The following ZNF738 variants were observed in gnomAD, a reference collection of about 807,000 sequenced individuals.
ZNF738 encodes protein ZNF738.
Under a neutral mutation model 9.2 loss-of-function variants are expected in ZNF738, and 10 were observed. That is an observed-to-expected ratio of 1.09 (90% confidence interval 0.67 to 1.85). The LOEUF (loss-of-function observed/expected upper bound fraction) is 1.85. ZNF738 is among the 40% of genes most tolerant of loss of function. The probability of loss-of-function intolerance (pLI) is 0.00; values close to 1 mark genes in which losing one functional copy is unlikely to be tolerated. For missense variants in ZNF738, 346 were observed against 283.6 expected (o/e 1.22, Z -1.58); for synonymous variants, 113 against 94.5 (o/e 1.20, Z -1.14).
At position 21,387,262 on chromosome 19, in the gene ZNF738, C is replaced by T. The variant is rs183234831; in HGVS notation, c.*3588C>T. On this transcript the variant is annotated 3_prime_UTR_variant, in exon 5 of 5. Coordinates refer to ENST00000683779, the MANE Select transcript of ZNF738 (RefSeq NM_001355237.2). ...GGTGTGCAATGGCATGATGTCGGCT[C>T]ACTGCAAACTCCGCCTCCCAGGTTC... 1 of 152,158 alleles carries T rather than the reference C, an allele frequency of 6.6e-6. No individual in the cohort carries two copies. The highest frequency in any genetic ancestry group is 1.9e-4 in the East Asian group (1 of 5,142). 9.4% of individuals were successfully genotyped at this position (152,158 alleles called of 1,614,324 possible).
intron 2 of ZNF738, among the ~76,000 whole-genome samples, chr19:21,371,215 C>T (rs535220543): frequency 6.6e-6 from 1 of 152,318 alleles, no homozygotes; most frequent in Non-Finnish European, 1.5e-5. Context: ...TTCTGGGGCT[C>T]CACCAAGGCA....
intron 2 of ZNF738, among the ~76,000 whole-genome samples, chr19:21,365,096 AT>A (rs1258355656): frequency 6.6e-6 from 1 of 151,830 alleles, no homozygotes; most frequent in South Asian, 2.1e-4. Flanking sequence ...GGGGTGGATT[AT>A]TTATTCCCAT....
intron 2 of ZNF738, among the ~76,000 whole-genome samples, chr19:21,370,055 G>T (rs2968032): frequency 5.3e-5 from 8 of 151,996 alleles, no homozygotes; most frequent in African/African-American, 1.7e-4. Context: ...CTCATGATCC[G>T]CCAACCTCGG....
Position 21,383,759 on chromosome 19 carries a change from T to C in ZNF738, c.*85T>C. On this transcript the variant is annotated 3_prime_UTR_variant, in exon 5 of 5. Coordinates refer to ENST00000683779, the MANE Select transcript of ZNF738 (RefSeq NM_001355237.2). The stretch of plus-strand genomic sequence containing the variant: ...AGAGAAACCCTACAAATGTGAGGAA[T>C]GTGGCAAAGCTTTTAAACAGTCCTC... 8.8e-7 allele frequency: 1 copy of C among 1,134,344 alleles called. No homozygotes were observed. Among genetic ancestry groups the C allele is most frequent in the Non-Finnish European group, 1.3e-6 (1 of 751,918 alleles). 70.3% of individuals were successfully genotyped at this position (1,134,344 alleles called of 1,614,324 possible).
intron 2 of ZNF738, among the ~76,000 whole-genome samples, chr19:21,367,982 C>A (rs1048292230): frequency 3.3e-5 from 5 of 152,232 alleles, no homozygotes; most frequent in African/African-American, 1.2e-4. Flanking sequence ...TTCATAATCT[C>A]ATCTGCCTGC....
At chr19:21,381,072 A>G (rs533921936) in intron 4 of ZNF738, 1 of 631,516 alleles carries the variant, frequency 1.6e-6, no homozygotes, top group Non-Finnish European at 2.9e-6. Flanking sequence ...GGGATCTAAC[A>G]CACTAGCTTC....
chr19:21,383,231 G>C lies in ZNF738; in HGVS notation c.685G>C (p.Glu229Gln). The C allele has an allele frequency of 1.3e-6, 2 of 1,591,652 alleles. No homozygotes were observed. The highest frequency in any genetic ancestry group is 2.3e-5 in the East Asian group (1 of 44,434). Residue 229 changes from glutamate to glutamine, a missense_variant, in exon 5 of 5, where the codon GAG becomes CAG. By Grantham distance (29) the Glu-to-Gln change is conservative. Transcript: ENST00000683779. ...LGQHKIIHIR[E>Q]NSYQCEECGK... The stretch of plus-strand genomic sequence containing the variant: ...TCAACATAAAATAATTCATATTAGA[G>C]AGAATTCTTACCAATGTGAAGAATG...
At chr19:21,378,092 T>A in intron 4 of ZNF738, 1 of 397,456 alleles carries the variant, frequency 2.5e-6, no homozygotes, top group Non-Finnish European at 4.4e-6. Flanking sequence ...AAAAATGAAC[T>A]TTTGTTGCAT....
chr19:21,386,309 C>T lies in ZNF738; in HGVS notation c.*2635C>T. On this transcript the variant is annotated 3_prime_UTR_variant, in exon 5 of 5. Coordinates refer to ENST00000683779, the MANE Select transcript of ZNF738 (RefSeq NM_001355237.2). Reference sequence around the variant, plus strand: ...TTTAACTAATCCTCAACCCTTACTACACATAAGATAATTAATGCTGGAGGG... The same window carrying T: ...TTTAACTAATCCTCAACCCTTACTATACATAAGATAATTAATGCTGGAGGG... 1 of 292,478 alleles carries T rather than the reference C, an allele frequency of 3.4e-6. No homozygotes were observed. The highest frequency in any genetic ancestry group is 3.7e-5 in the South Asian group (1 of 27,300). 18.1% of individuals were successfully genotyped at this position (292,478 alleles called of 1,614,324 possible).
Position 21,383,302 on chromosome 19 carries a change from A to C in ZNF738, c.756A>C (p.Arg252Ser). 1 of 1,528,044 alleles carries C rather than the reference A, an allele frequency of 6.5e-7. No homozygotes were observed. The allele number at this position is 1,528,044 out of a possible 1,614,324, so 94.7% of individuals were successfully genotyped here. The stretch of plus-strand genomic sequence containing the variant: ...TCTCAACCCTTACTAGACACAAGAG[A>C]ATTCATACTGGAGACAAATCCTACA... ...KWFSTLTRHK[R>S]IHTGDKSYKH... Residue 252 changes from arginine (R) to serine (S), a missense_variant, in exon 5 of 5, where the codon AGA becomes AGC. Arg to Ser is a moderately radical substitution (Grantham distance 110). Transcript: ENST00000683779.
Position 21,387,979 on chromosome 19 carries a change from T to C in ZNF738, c.*4305T>C, listed in dbSNP as rs1406829704. On this transcript the variant is annotated 3_prime_UTR_variant, in exon 5 of 5. Coordinates refer to ENST00000683779, the MANE Select transcript of ZNF738 (RefSeq NM_001355237.2). ...ACACCAGAGTTTATACTGAAGAATATTTTTGAAGATGCACTAAAAATGAAA... is the reference window on the plus strand; with the variant it reads ...ACACCAGAGTTTATACTGAAGAATACTTTTGAAGATGCACTAAAAATGAAA... Among the ~76,000 whole-genome samples the C allele has an allele frequency of 2.0e-5, 3 of 151,986 alleles. No homozygotes were observed. Among genetic ancestry groups the C allele is most frequent in the Non-Finnish European group, 4.4e-5 (3 of 68,012 alleles).
rs1292804150 is a variant in ZNF738 at position 21,386,124 on chromosome 19, GA to G, written c.*2453del. The stretch of plus-strand genomic sequence containing the variant: ...GTGAAGAATGTGGCAAAGCTTTTAA[GA>G]AATCCTCATCCATTACTAAACAAGA... On this transcript the variant is annotated 3_prime_UTR_variant, in exon 5 of 5. Transcript: ENST00000683779. 6.6e-6 allele frequency among the ~76,000 whole-genome samples: 1 copy of G among 150,620 alleles called. No homozygotes were observed. Among genetic ancestry groups the G allele is most frequent in the African/African-American group, 2.4e-5 (1 of 40,936 alleles).
rs1184036452 is a variant in ZNF738 at position 21,387,707 on chromosome 19, G to A, written c.*4033G>A. 1.3e-5 allele frequency among the ~76,000 whole-genome samples: 2 copies of A among 152,120 alleles called. No homozygotes were observed. Among genetic ancestry groups the A allele is most frequent in the African/African-American group, 4.8e-5 (2 of 41,428 alleles). Reference sequence around the variant, plus strand: ...AAGATAAGGGCAATTACTGTCAAAAGGTCTTTCAGAAAAATATAACCCTTT... The same window carrying A: ...AAGATAAGGGCAATTACTGTCAAAAAGTCTTTCAGAAAAATATAACCCTTT... On this transcript the variant is annotated 3_prime_UTR_variant, in exon 5 of 5. Coordinates refer to ENST00000683779, the MANE Select transcript of ZNF738 (RefSeq NM_001355237.2).
Position 21,387,523 on chromosome 19 carries a change from A to G in ZNF738, c.*3849A>G, listed in dbSNP as rs778038976. On this transcript the variant is annotated 3_prime_UTR_variant, in exon 5 of 5. Transcript: ENST00000683779. ...TTACATTCAATATAATTCATACTGG[A>G]AAGAAATCCTACAAGTGAGAGCAAT... 6.6e-6 allele frequency among the ~76,000 whole-genome samples: 1 copy of G among 152,222 alleles called. No individual in the cohort carries two copies. The highest frequency in any genetic ancestry group is 1.5e-5 in the Non-Finnish European group (1 of 68,042).
rs775718814 is a variant in ZNF738, at chr19:21,375,310, C to A, written c.169C>A (p.Gln57Lys). Residue 57 changes from glutamine to lysine, a missense_variant, in exon 3 of 5, where the codon CAA becomes AAA. Coordinates refer to ENST00000683779, the MANE Select transcript of ZNF738 (RefSeq NM_001355237.2). The stretch of plus-strand genomic sequence containing the variant: ...GTGGCAATGCCTGGACACTGCTCAG[C>A]AAGATTTGTATAGGAAAGTGATGTT... ...EEWQCLDTAQ[Q>K]DLYRKVMLEN... 3.6e-6 allele frequency: 4 copies of A among 1,107,958 alleles called. No individual in the cohort carries two copies. Among genetic ancestry groups the A allele is most frequent in the Non-Finnish European group, 4.2e-6 (3 of 720,478 alleles). The allele number at this position is 1,107,958 out of a possible 1,614,324, so 68.6% of individuals were successfully genotyped here. A position where few individuals can be genotyped will look rare whatever the true frequency, so the allele number is the denominator to read the frequency against.
intron 4 of ZNF738, chr19:21,377,927 C>G (rs1325919652): frequency 2.6e-6 from 1 of 388,834 alleles, no homozygotes; most frequent in African/African-American, 2.1e-5. Flanking sequence ...CCCACATTTT[C>G]TCTCTTTGTT....
At chr19:21,364,939 T>C (rs868654780) in intron 2 of ZNF738, among the ~76,000 whole-genome samples, 1 of 113,268 alleles carries the variant, frequency 8.8e-6, no homozygotes, top group South Asian at 2.8e-4. Flanking sequence ...TTTTTTTTTT[T>C]AGTAGAGACA....
intron 4 of ZNF738, chr19:21,378,316 G>T: frequency 4.1e-6 from 1 of 244,528 alleles, no homozygotes. Flanking sequence ...AAAATAATGT[G>T]TTTTAATATG....
At chr19:21,373,613 T>G (rs11670868) in intron 2 of ZNF738, among the ~76,000 whole-genome samples, 21,411 of 152,168 alleles carry the variant, frequency 0.14, 1,984 homozygotes, top group Non-Finnish European at 0.21. Context: ...GAAATGGGTG[T>G]GCTTTTTCTG....
Sources: gnomAD v4.1 joint callset for allele counts (sites outside exome capture counted in the v4.1 genomes callset) on GRCh38, gnomAD v4.1.1 for gene constraint, MANE v1.5 for transcripts, NCBI Gene and HGNC (gene_info 2026-07-23, HGNC 2026-07-21) for gene names.